Variants in LHFPL3 observed in about 807,000 individuals in gnomAD.
The protein encoded by LHFPL3 is LHFPL tetraspan subfamily member 3 protein.
A neutral mutation model predicts 19.3 loss-of-function variants in LHFPL3; 5 were observed. The ratio of observed to expected loss-of-function variants is 0.26; its 90% CI spans 0.14 to 0.54. The LOEUF (loss-of-function observed/expected upper bound fraction) is 0.54, where lower values mean the gene tolerates loss of function less well. Among genes scored for constraint, LHFPL3 ranks in the 20% least tolerant of loss-of-function variants. LHFPL3 has a pLI of 0.94. For synonymous variants in LHFPL3, 133 were observed against 126.2 expected, an observed-to-expected ratio of 1.05 and a Z score of -0.36; for missense variants, 249 against 307.4, an observed-to-expected ratio of 0.81 and a Z score of 1.42.
chr7:104,401,063 G>A (rs1018589574), intron 1 of LHFPL3, among the ~76,000 whole-genome samples: 2 of 152,164 alleles, frequency 1.3e-5, no homozygotes, highest in Admixed American at 1.3e-4. Flanking sequence ...ACCAGTCTGG[G>A]GATAGGCCCT....
At chr7:104,571,422 A>G (rs1790228540) in intron 1 of LHFPL3, among the ~76,000 whole-genome samples, 1 of 152,150 alleles carries the variant, frequency 6.6e-6, no homozygotes, top group South Asian at 2.1e-4. Flanking sequence ...GTTTCAGCAT[A>G]AATCACAGCA....
At chr7:104,685,445 C>T (rs1282654360) in intron 1 of LHFPL3, among the ~76,000 whole-genome samples, 1 of 152,194 alleles carries the variant, frequency 6.6e-6, no homozygotes, top group Non-Finnish European at 1.5e-5. Context: ...TGTAAACACA[C>T]ACACACACAG....
intron 2 of LHFPL3, among the ~76,000 whole-genome samples, chr7:104,765,021 G>A (rs1794432198): frequency 6.6e-6 from 1 of 152,164 alleles, no homozygotes; most frequent in Non-Finnish European, 1.5e-5. Context: ...AAATGTAAAT[G>A]GAGCTAAATC....
At chr7:104,509,553 A>C (rs1793769986) in intron 1 of LHFPL3, among the ~76,000 whole-genome samples, 1 of 152,108 alleles carries the variant, frequency 6.6e-6, no homozygotes. Flanking sequence ...TCTAAAAAAA[A>C]AATCAGCAAA....
intron 1 of LHFPL3, among the ~76,000 whole-genome samples, chr7:104,397,395 ATTGTG>A (rs1791212549): frequency 6.6e-6 from 1 of 152,166 alleles, no homozygotes; most frequent in Admixed American, 6.5e-5. Context: ...ATGAAATGAA[ATTGTG>A]TTGTACTTAA....
chr7:104,572,314 T>C (rs1790245231), intron 1 of LHFPL3, among the ~76,000 whole-genome samples: 1 of 152,246 alleles, frequency 6.6e-6, no homozygotes, highest in Admixed American at 6.5e-5. Flanking sequence ...TTTAGGCTTA[T>C]CTGTGGTTAG....
chr7:104,669,717 A>C (rs925840878), intron 1 of LHFPL3: 19 of 999,492 alleles, frequency 1.9e-5, no homozygotes, highest in Admixed American at 5.4e-5. Context: ...AAAACAAAAA[A>C]TGAAATTATT....
At chr7:104,503,040 A>T (rs558754694) in intron 1 of LHFPL3, among the ~76,000 whole-genome samples, 165 of 152,284 alleles carry the variant, frequency 1.1e-3, no homozygotes, top group Middle Eastern at 6.8e-3. Flanking sequence ...CTAGAAACTT[A>T]TATTAAAAAT....
At chr7:104,505,578 T>G (rs924453253) in intron 1 of LHFPL3, among the ~76,000 whole-genome samples, 10 of 152,112 alleles carry the variant, frequency 6.6e-5, no homozygotes, top group African/African-American at 2.4e-4. Context: ...AGTTGTTTTG[T>G]TTGATAGGAA....
chr7:104,412,225 A>G (rs969570278), intron 1 of LHFPL3, among the ~76,000 whole-genome samples: 1 of 151,542 alleles, frequency 6.6e-6, no homozygotes, highest in Non-Finnish European at 1.5e-5. Flanking sequence ...TTCTCACAGC[A>G]ATCCCTTGAG....
At chr7:104,340,748 T>C (rs1055160402) in intron 1 of LHFPL3, among the ~76,000 whole-genome samples, 2 of 152,206 alleles carry the variant, frequency 1.3e-5, no homozygotes, top group African/African-American at 4.8e-5. Flanking sequence ...TTGTATGCAT[T>C]ACTAACAAAA....
At chr7:104,784,501 A>T (rs78007269) in intron 2 of LHFPL3, among the ~76,000 whole-genome samples, 10,051 of 152,312 alleles carry the variant, frequency 0.066, 410 homozygotes, top group South Asian at 0.1. Flanking sequence ...CAGAATTAGA[A>T]AATGATGTCA....
intron 2 of LHFPL3, among the ~76,000 whole-genome samples, chr7:104,883,398 G>T (rs1164634010): frequency 2.0e-5 from 3 of 152,126 alleles, no homozygotes; most frequent in South Asian, 4.1e-4. Context: ...CTTCCTCCTG[G>T]CAGCTGAGTG....
chr7:104,611,605 A>C (rs908440856), intron 1 of LHFPL3, among the ~76,000 whole-genome samples: 14 of 152,222 alleles, frequency 9.2e-5, no homozygotes, highest in Admixed American at 3.9e-4. Context: ...AGTGAAGAAA[A>C]GGGAAATGGA....
At chr7:104,342,698 G>A (rs531126533) in intron 1 of LHFPL3, among the ~76,000 whole-genome samples, 10 of 152,046 alleles carry the variant, frequency 6.6e-5, no homozygotes, top group South Asian at 4.1e-4. Flanking sequence ...TACTTTTTCC[G>A]TCTTATACTC....
At chr7:104,757,292 C>T (rs939592684) in intron 2 of LHFPL3, among the ~76,000 whole-genome samples, 9 of 152,030 alleles carry the variant, frequency 5.9e-5, no homozygotes, top group Admixed American at 5.9e-4. Flanking sequence ...GGACATCAGC[C>T]TTGGGACATA....
At chr7:104,828,727 G>A (rs370093995) in intron 2 of LHFPL3, among the ~76,000 whole-genome samples, 1 of 151,982 alleles carries the variant, frequency 6.6e-6, no homozygotes, top group East Asian at 1.9e-4. Context: ...GAAGGTAAGA[G>A]GGAAATAAAG....
chr7:104,674,656 T>A (rs1037539515), intron 1 of LHFPL3, among the ~76,000 whole-genome samples: 3 of 152,058 alleles, frequency 2.0e-5, no homozygotes, highest in Admixed American at 6.6e-5. Context: ...CGTGAGCCAC[T>A]GCACCCACTC....
At chr7:104,724,345 A>G (rs994352358) in intron 1 of LHFPL3, among the ~76,000 whole-genome samples, 1 of 151,836 alleles carries the variant, frequency 6.6e-6, no homozygotes, top group Non-Finnish European at 1.5e-5. Context: ...ACAGCCAAGT[A>G]GGAGGAGTTC....
Sources: allele counts gnomAD v4.1 joint callset (sites outside exome capture counted in the v4.1 genomes callset), GRCh38; gene constraint gnomAD v4.1.1; transcripts MANE v1.5; gene names NCBI Gene and HGNC (gene_info 2026-07-23, HGNC 2026-07-21).